The following MUC3A variants were observed in gnomAD, a reference collection of about 807,000 sequenced individuals.
MUC3A encodes mucin 3A, cell surface associated.
In MUC3A, 109 loss-of-function variants were observed where a neutral mutation model predicts 109.0. The observed-to-expected ratio is 1.00, with a 90% CI of 0.86 to 1.17. The LOEUF (loss-of-function observed/expected upper bound fraction) is 1.17. MUC3A is among the 50% of genes most tolerant of loss of function. MUC3A has a pLI of 0.00. For missense variants in MUC3A, 3,537 were observed against 2,469.4 expected, an observed-to-expected ratio of 1.43 and a Z score of -9.16; for synonymous variants, 1,398 against 981.4, an observed-to-expected ratio of 1.42 and a Z score of -7.93.
chr7:100,959,877 A>G lies in MUC3A; in HGVS notation c.8098A>G (p.Thr2700Ala). 6.4e-7 allele frequency: 1 copy of G among 1,551,254 alleles called. No individual in the cohort carries two copies. The highest frequency in any genetic ancestry group is 8.6e-7 in the Non-Finnish European group (1 of 1,157,168). Reference sequence around the variant, plus strand: ...CTCTTCTCCATCTTCTGCCAGCATAACTCCAGTGTTTTCCACTACCATTCA... The same window carrying G: ...CTCTTCTCCATCTTCTGCCAGCATAGCTCCAGTGTTTTCCACTACCATTCA... Reference protein sequence around the residue: ...MSSSPSSASITPVFSTTIHSV... With the variant: ...MSSSPSSASIAPVFSTTIHSV... Residue 2700 changes from threonine to alanine, a missense_variant, in exon 2 of 12, where the codon ACT (threonine) becomes GCT (alanine). Physicochemically the swap from Thr to Ala is moderately conservative, Grantham distance 58. Transcript: ENST00000379458.
chr7:100,951,561 G>A (rs551705358), intron 1 of MUC3A, among the ~76,000 whole-genome samples: 44 of 93,176 alleles, frequency 4.7e-4, no homozygotes, highest in African/African-American at 1.7e-3. Flanking sequence ...TGCCCAGCTC[G>A]GCTATATCAG....
At position 100,964,718 on chromosome 7, in the gene MUC3A, A is replaced by G. The variant is rs866793165; in HGVS notation, c.9257A>G (p.Tyr3086Cys). The G allele has an allele frequency of 6.3e-7, 1 of 1,598,446 alleles. No individual in the cohort carries two copies. The highest frequency in any genetic ancestry group is 1.3e-5 in the African/African-American group (1 of 75,086). Residue 3086 changes from tyrosine to cysteine, a missense_variant, in exon 6 of 12, where the codon TAC becomes TGC. By Grantham distance (194) the Tyr-to-Cys change is radical. Coordinates refer to ENST00000379458, the MANE Select transcript of MUC3A (RefSeq NM_005960.2). Reference sequence around the variant, plus strand: ...AGGAATGGCAGCATCGTGGTGGACTACCTGGTCCTGCTGGAGATGCCCTTC... The same window carrying G: ...AGGAATGGCAGCATCGTGGTGGACTGCCTGGTCCTGCTGGAGATGCCCTTC... The part of the protein sequence containing the change: ...SLRNGSIVVD[Y>C]LVLLEMPFSP...
chr7:100,966,884 C>T lies in MUC3A; in HGVS notation c.9878-15C>T, dbSNP rs587717281. 1.4e-5 allele frequency: 22 copies of T among 1,592,166 alleles called. No individual in the cohort carries two copies. In the African/African-American group the frequency reaches 2.3e-4, roughly 16 times the overall value. ...CCCTCTCCCCTTCTCTTTCTCCGCTCCTCTCTCTCTCTAGACAAGGATACA... is the reference window on the plus strand; with the variant it reads ...CCCTCTCCCCTTCTCTTTCTCCGCTTCTCTCTCTCTCTAGACAAGGATACA... On this transcript the variant is annotated splice_polypyrimidine_tract_variant and intron_variant, in intron 10 of 11. Transcript: ENST00000379458.
At position 100,957,856 on chromosome 7, in the gene MUC3A, T is replaced by G; in HGVS notation, c.6077T>G (p.Leu2026Trp). 3 of 782,082 alleles carry G rather than the reference T, an allele frequency of 3.8e-6. No individual in the cohort carries two copies. Among genetic ancestry groups the G allele is most frequent in the Non-Finnish European group, 6.8e-6 (3 of 441,684 alleles). 48.4% of individuals were successfully genotyped at this position (782,082 alleles called of 1,614,324 possible). ...ACCACATCCCACAATACTCCCAGCTTGACTTCTTCGATCACAACCACCGAG... is the reference window on the plus strand; with the variant it reads ...ACCACATCCCACAATACTCCCAGCTGGACTTCTTCGATCACAACCACCGAG... Reference protein sequence around the residue: ...TETTSHNTPSLTSSITTTETT... With the variant: ...TETTSHNTPSWTSSITTTETT... Residue 2026 changes from leucine to tryptophan, a missense_variant, in exon 2 of 12, where the codon TTG becomes TGG. Leu to Trp is a moderately conservative substitution (Grantham distance 61, BLOSUM62 -2). Coordinates refer to ENST00000379458, the MANE Select transcript of MUC3A (RefSeq NM_005960.2).
chr7:100,956,498 C>T lies in MUC3A; in HGVS notation c.4719C>T (p.Thr1573=), dbSNP rs1232132785. 1 of 509,354 alleles carries T rather than the reference C, an allele frequency of 2.0e-6. No individual in the cohort carries two copies. The highest frequency in any genetic ancestry group is 3.4e-6 in the Non-Finnish European group (1 of 289,978). 31.6% of individuals were successfully genotyped at this position (509,354 alleles called of 1,614,324 possible). A position where few individuals can be genotyped will look rare whatever the true frequency, so the allele number is the denominator to read the frequency against. Reference sequence around the variant, plus strand: ...CTACTGTGAGTACAGGTATCCCTACCTCACAACCAACAACTATTACTCCCT... The same window carrying T: ...CTACTGTGAGTACAGGTATCCCTACTTCACAACCAACAACTATTACTCCCT... The part of the protein sequence containing the change: ...IPSTVSTGIP[T]SQPTTITPSS... Residue 1573 remains threonine, a synonymous_variant, in exon 2 of 12, where the codon ACC becomes ACT. Coordinates refer to ENST00000379458, the MANE Select transcript of MUC3A (RefSeq NM_005960.2).
intron 1 of MUC3A, 62 bp from the exon 2 acceptor site, chr7:100,951,779 G>GTC: frequency 1.3e-6 from 2 of 1,567,690 alleles, no homozygotes; most frequent in Non-Finnish European, 1.7e-6. Flanking sequence ...GCTTACATGA[G>GTC]TGATGTAACA....
rs771240670 is a variant in MUC3A, at chr7:100,958,836, C to T, written c.7057C>T (p.His2353Tyr). ...SSITTTETNS[H>Y]STTSFTSSIT... ...GATCACCACCACCGAGACCAACTCT[C>T]ACAGTACTACCAGCTTCACTTCTTC... Residue 2353 changes from histidine to tyrosine, a missense_variant, in exon 2 of 12, where the codon CAC (histidine) becomes TAC (tyrosine). By Grantham distance (83) the His-to-Tyr change is moderately conservative. Transcript: ENST00000379458. 7.3e-7 allele frequency: 1 copy of T among 1,371,344 alleles called. No individual in the cohort carries two copies. Among genetic ancestry groups the T allele is most frequent in the Admixed American group, 2.4e-5 (1 of 42,252 alleles). The allele number at this position is 1,371,344 out of a possible 1,614,324, so 84.9% of individuals were successfully genotyped here.
intron 4 of MUC3A, 131 bp from the exon 5 acceptor site, chr7:100,963,557 T>A: frequency 7.2e-7 from 1 of 1,398,348 alleles, no homozygotes; most frequent in Non-Finnish European, 9.8e-7. Context: ...AGTGTTGGGA[T>A]TACAGGCGTG....
chr7:100,959,887 T>TCG lies in MUC3A; in HGVS notation c.8108_8109insCG (p.Ser2704ValfsTer46). ...TCTTCTGCCAGCATAACTCCAGTGT[T>TCG]TTCCACTACCATTCATTCTGTTCCT... is the stretch of plus-strand genomic sequence containing the variant. On this transcript the variant is annotated frameshift_variant, in exon 2 of 12. Transcript: ENST00000379458. LOFTEE classifies it high-confidence loss of function. The TCG allele has an allele frequency of 6.5e-7, 1 of 1,547,412 alleles. No homozygotes were observed.
intron 4 of MUC3A, 83 bp downstream of exon 4, chr7:100,963,349 G>T (rs1433968370): frequency 1.8e-6 from 2 of 1,107,778 alleles, no homozygotes; most frequent in African/African-American, 3.2e-5. Context: ...GCAATGGTGC[G>T]ATCTTGGGTC....
intron 1 of MUC3A, among the ~76,000 whole-genome samples, chr7:100,951,057 T>A (rs1023967868): frequency 2.6e-5 from 4 of 152,152 alleles, no homozygotes; most frequent in African/African-American, 9.7e-5. Context: ...TCACCCAGGC[T>A]GGAGTGCAGT....
rs1584803210 is a variant in MUC3A, at chr7:100,958,127, C to G, written c.6348C>G (p.Thr2116=). The G allele has an allele frequency of 2.6e-5, 23 of 889,256 alleles. No individual in the cohort carries two copies. The highest frequency in any genetic ancestry group is 3.7e-5 in the Non-Finnish European group (21 of 568,806). 55.1% of individuals were successfully genotyped at this position (889,256 alleles called of 1,614,324 possible). A position where few individuals can be genotyped will look rare whatever the true frequency, so the allele number is the denominator to read the frequency against. The change falls in exon 2 of 12, where the codon ACC becomes ACG. Residue 2116 remains threonine, a synonymous_variant. Coordinates refer to ENST00000379458, the MANE Select transcript of MUC3A (RefSeq NM_005960.2). The part of the protein sequence containing the change: ...STPSFTSSIT[T]SEMPSHSTPS... ...CCAGCTTCACTTCCTCAATCACCAC[C>G]TCTGAGATGCCCTCACACAGTACTC...
Position 100,965,861 on chromosome 7 carries a change from G to A in MUC3A, c.9606G>A (p.Thr3202=). 6.3e-7 allele frequency: 1 copy of A among 1,591,896 alleles called. No homozygotes were observed. The highest frequency in any genetic ancestry group is 8.5e-7 in the Non-Finnish European group (1 of 1,175,298). ...GCGTTCTGGAGACGAGCGGTCCCAC[G>A]TGTCGGTAAGGCCCCGCTCACCATC... ...GQCVLETSGP[T]CRCYSTDTHW... is the part of the protein sequence containing the mutation. The change falls in exon 8 of 12, where the codon ACG becomes ACA. Residue 3202 remains threonine, a synonymous_variant. Coordinates refer to ENST00000379458, the MANE Select transcript of MUC3A (RefSeq NM_005960.2).
At chr7:100,960,700 T>A (rs994411944) in intron 2 of MUC3A, 52 bp from the exon 3 acceptor site, 17 of 1,592,862 alleles carry the variant, frequency 1.1e-5, no homozygotes, top group Non-Finnish European at 1.4e-5. Context: ...AATTCCTGTG[T>A]CACTGAGGTC....
Position 100,953,743 on chromosome 7 carries a change from C to T in MUC3A, c.1964C>T (p.Thr655Ile). 1.6e-5 allele frequency: 7 copies of T among 450,608 alleles called. No homozygotes were observed. The highest frequency in any genetic ancestry group is 3.0e-4 in the Middle Eastern group (1 of 3,304). The allele number at this position is 450,608 out of a possible 1,614,324, so 27.9% of individuals were successfully genotyped here. A position where few individuals can be genotyped will look rare whatever the true frequency, so the allele number is the denominator to read the frequency against. Reference sequence around the variant, plus strand: ...ATGACAACTACGACCTCTCCTCCCACAACCACCAATTCTTTTACATCACTG... The same window carrying T: ...ATGACAACTACGACCTCTCCTCCCATAACCACCAATTCTTTTACATCACTG... ...TSMTTTTSPPTTTNSFTSLTS... is the reference protein window; with the variant it reads ...TSMTTTTSPPITTNSFTSLTS... Residue 655 changes from threonine (T) to isoleucine (I), a missense_variant, in exon 2 of 12, where the codon ACA becomes ATA. Thr to Ile is a moderately conservative substitution (Grantham distance 89). Coordinates refer to ENST00000379458, the MANE Select transcript of MUC3A (RefSeq NM_005960.2).
Position 100,958,846 on chromosome 7 carries a change from C to G in MUC3A, c.7067C>G (p.Thr2356Ser). 5 of 1,590,458 alleles carry G rather than the reference C, an allele frequency of 3.1e-6. No individual in the cohort carries two copies. The highest frequency in any genetic ancestry group is 4.3e-6 in the Non-Finnish European group (5 of 1,174,146). The change falls in exon 2 of 12, where the codon ACC becomes AGC. Residue 2356 changes from threonine to serine, a missense_variant. Thr to Ser is a moderately conservative substitution (Grantham distance 58, BLOSUM62 1). Coordinates refer to ENST00000379458, the MANE Select transcript of MUC3A (RefSeq NM_005960.2). ...ACCGAGACCAACTCTCACAGTACTA[C>G]CAGCTTCACTTCTTCGATCACCACC... The part of the protein sequence containing the change: ...TTTETNSHST[T>S]SFTSSITTTE...
intron 8 of MUC3A, 153 bp from the exon 9 acceptor site, chr7:100,966,233 T>G: frequency 1.2e-6 from 1 of 861,582 alleles, no homozygotes; most frequent in Non-Finnish European, 1.5e-6. Context: ...GGCCCCTCGT[T>G]CTAGGGTGGA....
Position 100,954,769 on chromosome 7 carries a change from C to T in MUC3A, c.2990C>T (p.Thr997Ile), listed in dbSNP as rs919798176. The T allele has an allele frequency of 2.0e-4, 81 of 399,372 alleles. No individual in the cohort carries two copies. Among genetic ancestry groups the T allele is most frequent in the African/African-American group, 1.5e-3 (71 of 47,794 alleles). 24.7% of individuals were successfully genotyped at this position (399,372 alleles called of 1,614,324 possible). Reference sequence around the variant, plus strand: ...CTGACTCCTACAACTGACATTTCTACAGTATCTCTCACAACAGCCATGACT... The same window carrying T: ...CTGACTCCTACAACTGACATTTCTATAGTATCTCTCACAACAGCCATGACT... ...TTLTPTTDISTVSLTTAMTSP... is the reference protein window; with the variant it reads ...TTLTPTTDISIVSLTTAMTSP... The change falls in exon 2 of 12, where the codon ACA becomes ATA. Residue 997 changes from threonine (T) to isoleucine (I), a missense_variant. By Grantham distance (89) the Thr-to-Ile change is moderately conservative (BLOSUM62 -1). Transcript: ENST00000379458.
intron 10 of MUC3A, 35 bp downstream of exon 10, chr7:100,966,778 T>C (rs1792586311): frequency 2.5e-6 from 4 of 1,598,514 alleles, no homozygotes; most frequent in Non-Finnish European, 2.5e-6. Context: ...AGGCAGAGGC[T>C]TTCCTGGGCA....
Sources: allele counts gnomAD v4.1 joint callset (sites outside exome capture counted in the v4.1 genomes callset), GRCh38; gene constraint gnomAD v4.1.1; transcripts MANE v1.5; gene names NCBI Gene and HGNC (gene_info 2026-07-23, HGNC 2026-07-21).